SORBS2: variants seen among roughly 807,000 people sequenced by gnomAD.
SORBS2 encodes sorbin and SH3 domain-containing protein 2.
Under a neutral mutation model 97.7 loss-of-function variants are expected in SORBS2, and 46 were observed. The observed-to-expected ratio is 0.47, with a 90% CI of 0.37 to 0.60. The LOEUF (loss-of-function observed/expected upper bound fraction) is 0.60. SORBS2 is among the 20% of genes least tolerant of loss of function. The probability of loss-of-function intolerance (pLI) is 0.00; values close to 1 mark genes in which losing one functional copy is unlikely to be tolerated. For synonymous variants in SORBS2, 476 were observed against 473.4 expected (o/e 1.01, Z -0.07); for missense variants, 1,316 against 1,282.3 (o/e 1.03, Z -0.40).
At chr4:185,747,930 G>A (rs983085704) in intron 2 of SORBS2, among the ~76,000 whole-genome samples, 4 of 152,088 alleles carry the variant, frequency 2.6e-5, no homozygotes, top group Admixed American at 6.5e-5. Flanking sequence ...GGCGGAGGTT[G>A]CAGTGAGCTG....
intron 1 of SORBS2, among the ~76,000 whole-genome samples, chr4:185,924,225 A>G (rs1579517620): frequency 6.6e-6 from 1 of 152,214 alleles, no homozygotes. Context: ...ACAATTTACA[A>G]GAAAAGACGA....
Position 185,817,590 on chromosome 4 carries a change from A to C in SORBS2, c.-337-42224T>G, listed in dbSNP as rs1044017051. Among the ~76,000 whole-genome samples the C allele has an allele frequency of 5.3e-5, 8 of 152,194 alleles. No individual in the cohort carries two copies. In the East Asian group the frequency reaches 1.3e-3, roughly 26 times the overall value. ...AGTGGCCCCCAGGTACTTCCGGGCA[A>C]CGTGCCACCCTACCCAGTGCAGAAA... On this transcript the variant is annotated intron_variant, in intron 1 of 20. Coordinates refer to the SORBS2 transcript ENST00000284776.
At chr4:185,768,641 G>A (rs1420414094) in intron 2 of SORBS2, among the ~76,000 whole-genome samples, 1 of 148,558 alleles carries the variant, frequency 6.7e-6, no homozygotes, top group East Asian at 2.0e-4. Flanking sequence ...GGAGGTTGCA[G>A]TGAGCCAAGA....
chr4:185,745,660 A>G (rs147366656), intron 2 of SORBS2, among the ~76,000 whole-genome samples: 1 of 152,370 alleles, frequency 6.6e-6, no homozygotes, highest in East Asian at 1.9e-4. Context: ...GAGAATTTAA[A>G]TTTAAATATT....
chr4:185,749,855 C>T (rs1348378286), intron 2 of SORBS2, among the ~76,000 whole-genome samples: 2 of 152,194 alleles, frequency 1.3e-5, no homozygotes, highest in African/African-American at 2.4e-5. Flanking sequence ...ACCCATTAGG[C>T]TCCTTATTAA....
chr4:185,677,053 G>T (rs1000493523), intron 4 of SORBS2: 1 of 1,551,458 alleles, frequency 6.4e-7, no homozygotes, highest in Non-Finnish European at 8.7e-7. Flanking sequence ...TGTCTCTCTT[G>T]CTGAAGAGGT....
At chr4:185,605,759 A>AT (rs2096402517) in intron 12 of SORBS2, among the ~76,000 whole-genome samples, 2 of 151,464 alleles carry the variant, frequency 1.3e-5, no homozygotes, top group Non-Finnish European at 2.9e-5. Context: ...TAGTTTTTGT[A>AT]TTTTTGGTAG....
chr4:185,746,585 T>C (rs2153592778), intron 2 of SORBS2, among the ~76,000 whole-genome samples: 1 of 152,322 alleles, frequency 6.6e-6, no homozygotes, highest in Middle Eastern at 3.4e-3. Context: ...CCCAGAGTGC[T>C]GGGATTACAG....
chr4:185,868,711 G>C (rs1283846976), intron 1 of SORBS2, among the ~76,000 whole-genome samples: 1 of 152,108 alleles, frequency 6.6e-6, no homozygotes, highest in Non-Finnish European at 1.5e-5. Flanking sequence ...AAAAGCTAAA[G>C]GTGTTCGGCA....
chr4:185,762,696 A>G (rs1022692547), intron 2 of SORBS2, among the ~76,000 whole-genome samples: 4 of 152,216 alleles, frequency 2.6e-5, no homozygotes, highest in African/African-American at 9.6e-5. Flanking sequence ...ATTATGTAAT[A>G]TCTGGTTTCT....
intron 1 of SORBS2, among the ~76,000 whole-genome samples, chr4:185,860,164 G>C (rs1021913371): frequency 6.6e-6 from 1 of 152,150 alleles, no homozygotes; most frequent in Admixed American, 6.5e-5. Context: ...AGAAGAGCAA[G>C]AGAAAGAAAA....
intron 2 of SORBS2, among the ~76,000 whole-genome samples, chr4:185,702,989 G>A (rs1157825962): frequency 6.6e-6 from 1 of 152,066 alleles, no homozygotes; most frequent in African/African-American, 2.4e-5. Flanking sequence ...AAAGGAGATG[G>A]TTAAAGACCC....
At chr4:185,758,664 C>G (rs1028926139) in intron 2 of SORBS2, among the ~76,000 whole-genome samples, 1 of 152,190 alleles carries the variant, frequency 6.6e-6, no homozygotes, top group African/African-American at 2.4e-5. Context: ...TCCACCTTCC[C>G]CTTCTTACCA....
chr4:185,667,568 G>T (rs538411658), intron 4 of SORBS2, among the ~76,000 whole-genome samples: 1 of 151,884 alleles, frequency 6.6e-6, no homozygotes. Flanking sequence ...ACACTCTAAA[G>T]CATAACCTTA....
chr4:185,896,457 G>A (rs1307946594), intron 1 of SORBS2, among the ~76,000 whole-genome samples: 9 of 152,108 alleles, frequency 5.9e-5, no homozygotes, highest in South Asian at 2.1e-4. Context: ...GTTGGTGCAC[G>A]CCTGTAATCC....
At chr4:185,660,155 T>C (rs2097492212), upstream of SORBS2, among the ~76,000 whole-genome samples, 1 of 152,208 alleles carries the variant, frequency 6.6e-6, no homozygotes, top group Non-Finnish European at 1.5e-5. Context: ...TAAAATCTAC[T>C]TATCAATATA....
chr4:185,819,369 G>A (rs1363807077), intron 1 of SORBS2, among the ~76,000 whole-genome samples: 1 of 152,212 alleles, frequency 6.6e-6, no homozygotes, highest in Non-Finnish European at 1.5e-5. Flanking sequence ...AGGAGAGGGA[G>A]AGCCAAGGGG....
intron 1 of SORBS2, among the ~76,000 whole-genome samples, chr4:185,941,151 C>T (rs1231350181): frequency 2.0e-5 from 3 of 152,182 alleles, no homozygotes; most frequent in African/African-American, 7.2e-5. Context: ...TTCAGACTTA[C>T]CACGTGCCGG....
intron 4 of SORBS2, among the ~76,000 whole-genome samples, chr4:185,667,884 A>G (rs904888360): frequency 2.6e-5 from 4 of 151,968 alleles, no homozygotes; most frequent in Non-Finnish European, 2.9e-5. Context: ...TTATGAAATT[A>G]TCATAATTCT....
Sources: gnomAD v4.1 joint callset for allele counts (sites outside exome capture counted in the v4.1 genomes callset) on GRCh38, gnomAD v4.1.1 for gene constraint, MANE v1.5 for transcripts, NCBI Gene and HGNC (gene_info 2026-07-23, HGNC 2026-07-21) for gene names.